The following DOCK3 variants were observed in gnomAD, a reference collection of about 807,000 sequenced individuals.
The protein encoded by DOCK3 is dedicator of cytokinesis 3, also known as dedicator of cytokinesis protein 3.
In DOCK3, 60 loss-of-function variants were observed where a neutral mutation model predicts 265.6. The ratio of observed to expected loss-of-function variants is 0.23; its 90% CI spans 0.18 to 0.28. The LOEUF is 0.28. DOCK3 is among the 10% of genes least tolerant of loss of function. The pLI is 1.00. For synonymous variants in DOCK3, 881 were observed against 938.0 expected (o/e 0.94, Z 1.11); for missense variants, 1,981 against 2,594.3 (o/e 0.76, Z 5.14).
intron 23 of DOCK3, among the ~76,000 whole-genome samples, chr3:51,263,502 A>G (rs2079978237): frequency 6.6e-6 from 1 of 152,250 alleles, no homozygotes; most frequent in South Asian, 2.1e-4. Flanking sequence ...CTATGAAGAA[A>G]CTGCATCAAC....
chr3:50,807,939 T>C (rs967615757), intron 2 of DOCK3, among the ~76,000 whole-genome samples: 5 of 152,086 alleles, frequency 3.3e-5, no homozygotes, highest in African/African-American at 9.7e-5. Context: ...TTTATAGAGA[T>C]AGGATTTCGC....
chr3:51,054,791 G>A (rs2081139639), intron 5 of DOCK3, among the ~76,000 whole-genome samples: 2 of 152,210 alleles, frequency 1.3e-5, no homozygotes, highest in Admixed American at 1.3e-4. Flanking sequence ...GGGTTTTGGG[G>A]GTTATGCCCC....
At chr3:51,009,208 G>A (rs181468206) in intron 5 of DOCK3, among the ~76,000 whole-genome samples, 22 of 152,226 alleles carry the variant, frequency 1.4e-4, no homozygotes, top group African/African-American at 5.1e-4. Flanking sequence ...ACTCGTCTTT[G>A]TACCTCTCAT....
intron 12 of DOCK3, among the ~76,000 whole-genome samples, chr3:51,179,606 G>A (rs2087162575): frequency 6.6e-6 from 1 of 152,142 alleles, no homozygotes; most frequent in African/African-American, 2.4e-5. Flanking sequence ...TATCTAATGT[G>A]CGTATACATG....
chr3:50,873,951 T>C (rs1434870187), intron 3 of DOCK3, among the ~76,000 whole-genome samples: 4 of 152,056 alleles, frequency 2.6e-5, no homozygotes, highest in Non-Finnish European at 4.4e-5. Flanking sequence ...TTCAAAACTG[T>C]TTTTTCTACT....
chr3:51,265,164 CCCCTGAATAGA>C (rs1201558184), intron 23 of DOCK3, among the ~76,000 whole-genome samples: 2 of 152,138 alleles, frequency 1.3e-5, no homozygotes, highest in Admixed American at 1.3e-4. Flanking sequence ...AGAAGTTGAA[CCCCTGAATAGA>C]CCAATAATAA....
In DOCK3 at chr3:51,256,502, C is replaced by T. The variant is rs551300935; in HGVS notation, c.2185-3654C>T. Reference sequence around the variant, plus strand: ...GCCAGGCTGGTCTCAAACTCCTGACCTCAGGTGATCCGGCTGCCTTGGCAT... The same window carrying T: ...GCCAGGCTGGTCTCAAACTCCTGACTTCAGGTGATCCGGCTGCCTTGGCAT... On this transcript the variant is annotated intron_variant, in intron 22 of 52. Transcript: ENST00000266037. Among the ~76,000 whole-genome samples the T allele has an allele frequency of 4.6e-5, 7 of 152,162 alleles. No homozygotes were observed. In the South Asian group the frequency reaches 1.5e-3, roughly 32 times the overall value.
At chr3:51,065,517 G>A (rs1232514197) in intron 6 of DOCK3, among the ~76,000 whole-genome samples, 1 of 152,172 alleles carries the variant, frequency 6.6e-6, no homozygotes, top group East Asian at 1.9e-4. Context: ...TAGAAGGTGG[G>A]ATAGGTCTTG....
At chr3:50,920,025 T>C (rs2108018146) in intron 4 of DOCK3, among the ~76,000 whole-genome samples, 1 of 152,342 alleles carries the variant, frequency 6.6e-6, no homozygotes, top group South Asian at 2.1e-4. Context: ...TTTTTGTCTT[T>C]GGTTCTGTTT....
chr3:50,717,876 C>T (rs573123789), intron 1 of DOCK3, among the ~76,000 whole-genome samples: 51 of 152,184 alleles, frequency 3.4e-4, no homozygotes, highest in Non-Finnish European at 6.6e-4. Context: ...CCGCCCACTT[C>T]AGCCTCCCAA....
intron 1 of DOCK3, among the ~76,000 whole-genome samples, chr3:50,686,421 T>C (rs2034803203): frequency 6.6e-6 from 1 of 152,258 alleles, no homozygotes; most frequent in Non-Finnish European, 1.5e-5. Flanking sequence ...TCATTTGTGA[T>C]CTCAAGCAGT....
At position 50,889,069 on chromosome 3, in the gene DOCK3, GT is replaced by G. The variant is rs1559773749; in HGVS notation, c.163-956del. Among the ~76,000 whole-genome samples the G allele has an allele frequency of 9.0e-3, 342 of 37,914 alleles. 1 individual carries two copies. Among genetic ancestry groups the G allele is most frequent in the Admixed American group, 0.014 (85 of 6,134 alleles). 24.9% of individuals were successfully genotyped at this position (37,914 alleles called of 152,430 possible). Reference sequence around the variant, plus strand: ...TATAAAATATATTTAAGCCATGGGTGTGTGTGTGTGTGTGTGTGTGTGTGTG... The same window carrying G: ...TATAAAATATATTTAAGCCATGGGTGGTGTGTGTGTGTGTGTGTGTGTGTG... On this transcript the variant is annotated intron_variant, in intron 3 of 52. Transcript: ENST00000266037.
chr3:50,998,545 C>G (rs1424379716), intron 5 of DOCK3, among the ~76,000 whole-genome samples: 1 of 152,156 alleles, frequency 6.6e-6, no homozygotes, highest in Non-Finnish European at 1.5e-5. Context: ...CCATGGGTAC[C>G]TGGTATACCC....
chr3:51,349,164 G>T (rs1306438220), intron 39 of DOCK3, among the ~76,000 whole-genome samples: 1 of 152,126 alleles, frequency 6.6e-6, no homozygotes, highest in African/African-American at 2.4e-5. Context: ...TCAGAGAAGG[G>T]AGAAGTGGCA....
intron 1 of DOCK3, among the ~76,000 whole-genome samples, chr3:50,716,052 T>G (rs1055288048): frequency 2.0e-5 from 3 of 152,086 alleles, no homozygotes; most frequent in African/African-American, 7.2e-5. Context: ...TTTTGTGTAT[T>G]ATACTTCTCT....
At chr3:51,253,677 G>T (rs1023352257) in intron 22 of DOCK3, among the ~76,000 whole-genome samples, 1 of 152,066 alleles carries the variant, frequency 6.6e-6, no homozygotes, top group African/African-American at 2.4e-5. Flanking sequence ...ATTCTCTGAT[G>T]GTAGTCTGTA....
intron 40 of DOCK3, among the ~76,000 whole-genome samples, chr3:51,353,655 C>G (rs951363185): frequency 6.6e-6 from 1 of 152,128 alleles, no homozygotes. Context: ...CCAGCCTTAG[C>G]CAAGTTCTCC....
At chr3:51,191,927 G>A (rs1220777089) in intron 12 of DOCK3, among the ~76,000 whole-genome samples, 1 of 150,828 alleles carries the variant, frequency 6.6e-6, no homozygotes, top group Non-Finnish European at 1.5e-5. Flanking sequence ...TTAGTCCCTT[G>A]TTGTACAAGT....
Position 51,380,153 on chromosome 3 carries a change from C to T in DOCK3, c.5529C>T (p.Phe1843=), listed in dbSNP as rs2088504223. The T allele has an allele frequency of 1.9e-6, 3 of 1,613,760 alleles. No homozygotes were observed. In the East Asian group the frequency reaches 6.7e-5, roughly 36 times the overall value. Residue 1843 remains phenylalanine (F), a synonymous_variant, in exon 52 of 53, where the codon TTC becomes TTT. Transcript: ENST00000266037. The part of the protein sequence containing the change: ...KGHYSLHFDA[F]HHPLGDTPPA... Reference sequence around the variant, plus strand: ...ATTACTCCCTACACTTTGACGCCTTCCACCACCCTCTGGGTGATACCCCCC... The same window carrying T: ...ATTACTCCCTACACTTTGACGCCTTTCACCACCCTCTGGGTGATACCCCCC...
Sources: gnomAD v4.1 joint callset for allele counts (sites outside exome capture counted in the v4.1 genomes callset) on GRCh38, gnomAD v4.1.1 for gene constraint, MANE v1.5 for transcripts, NCBI Gene and HGNC (gene_info 2026-07-23, HGNC 2026-07-21) for gene names.